PIGL: variants seen among roughly 807,000 people sequenced by gnomAD.
PIGL encodes the protein phosphatidylinositol glycan anchor biosynthesis class L, also known as N-acetylglucosaminyl-phosphatidylinositol de-N-acetylase.
In PIGL, 22 loss-of-function variants were observed where a neutral mutation model predicts 31.1. That is an observed-to-expected ratio of 0.71 (90% CI 0.51 to 1.01). The LOEUF is 1.01. PIGL is among the 50% of genes least tolerant of loss of function. The probability of loss-of-function intolerance (pLI) is 0.00; values close to 1 mark genes in which losing one functional copy is unlikely to be tolerated. For missense variants in PIGL, 302 were observed against 315.9 expected, an observed-to-expected ratio of 0.96 and a Z score of 0.33; for synonymous variants, 131 against 117.4, an observed-to-expected ratio of 1.12 and a Z score of -0.75.
At chr17:16,217,614 AGGAG>A in intron 1 of PIGL, 153 bp downstream of exon 1, 1 of 599,098 alleles carries the variant, frequency 1.7e-6, no homozygotes, top group Non-Finnish European at 2.8e-6. Context: ...GCCTAGGGAC[AGGAG>A]CGGCCGGCTT....
intron 3 of PIGL, among the ~76,000 whole-genome samples, chr17:16,303,571 C>G (rs149969416): frequency 6.6e-6 from 1 of 151,872 alleles, no homozygotes; most frequent in Non-Finnish European, 1.5e-5. Flanking sequence ...TGAAGTCTCG[C>G]TCTGTTGCCT....
At chr17:16,270,890 CAAA>C (rs11350245) in intron 2 of PIGL, among the ~76,000 whole-genome samples, 4 of 143,026 alleles carry the variant, frequency 2.8e-5, no homozygotes, top group East Asian at 2.2e-4. Flanking sequence ...GAGACTGTCT[CAAA>C]AAAAAAAAAA....
chr17:16,245,829 T>TTTTTA (rs2092744037), intron 2 of PIGL, among the ~76,000 whole-genome samples: 2 of 150,242 alleles, frequency 1.3e-5, no homozygotes, highest in African/African-American at 4.9e-5. Context: ...TATTTTTTTT[T>TTTTTA]GAGACGGAGT....
At chr17:16,290,313 C>A (rs1386812737) in intron 2 of PIGL, among the ~76,000 whole-genome samples, 1 of 151,880 alleles carries the variant, frequency 6.6e-6, no homozygotes, top group Non-Finnish European at 1.5e-5. Context: ...GAGCTCTTGA[C>A]CTCAAGTGAT....
intron 2 of PIGL, among the ~76,000 whole-genome samples, chr17:16,288,851 A>G (rs2092948930): frequency 6.6e-6 from 1 of 152,202 alleles, no homozygotes; most frequent in Non-Finnish European, 1.5e-5. Context: ...AAATTCTTTA[A>G]TAGGTCTCTT....
chr17:16,221,699 A>C lies in PIGL; in HGVS notation c.235+4238A>C, dbSNP rs189085240. Among the ~76,000 whole-genome samples the C allele has an allele frequency of 7.9e-5, 12 of 152,196 alleles. No homozygotes were observed. The East Asian group carries it at 2.3e-3, about 29-fold the overall frequency. Reference sequence around the variant, plus strand: ...CAGTGGCACAATCTCGGCTCACTGCAACCTCCGCCTCCTGGGTTCAAGTGA... The same window carrying C: ...CAGTGGCACAATCTCGGCTCACTGCCACCTCCGCCTCCTGGGTTCAAGTGA... On this transcript the variant is annotated intron_variant, in intron 1 of 6. Transcript: ENST00000225609.
At chr17:16,243,900 A>G (rs2092733622) in intron 2 of PIGL, among the ~76,000 whole-genome samples, 1 of 152,260 alleles carries the variant, frequency 6.6e-6, no homozygotes, top group Non-Finnish European at 1.5e-5. Flanking sequence ...CTGTTACTCA[A>G]ATCTGTCTCC....
At chr17:16,219,455 G>A (rs1340248268) in intron 1 of PIGL, among the ~76,000 whole-genome samples, 1 of 152,112 alleles carries the variant, frequency 6.6e-6, no homozygotes, top group African/African-American at 2.4e-5. Context: ...ATTAAGAATT[G>A]GAGCCCAAGC....
intron 3 of PIGL, among the ~76,000 whole-genome samples, chr17:16,306,851 C>T (rs891747894): frequency 2.6e-5 from 4 of 152,174 alleles, no homozygotes; most frequent in South Asian, 2.1e-4. Flanking sequence ...ATATCAACAC[C>T]GAAGGGGTGA....
At chr17:16,258,085 GAGAGAGAGAGAGAGAGAA>G (rs1424177555) in intron 2 of PIGL, among the ~76,000 whole-genome samples, 4 of 131,088 alleles carry the variant, frequency 3.1e-5, no homozygotes, top group Non-Finnish European at 4.8e-5. Context: ...GAGAGAGAGA[GAGAGAGAGAGAGAGAGAA>G]AGAGAGAGAG....
chr17:16,297,226 C>G (rs1452319195), intron 2 of PIGL, among the ~76,000 whole-genome samples: 5 of 152,194 alleles, frequency 3.3e-5, no homozygotes, highest in African/African-American at 1.2e-4. Flanking sequence ...AAGTCCCTCC[C>G]TAAATGATTG....
chr17:16,221,217 A>G (rs1449182992), intron 1 of PIGL, among the ~76,000 whole-genome samples: 1 of 152,212 alleles, frequency 6.6e-6, no homozygotes, highest in Non-Finnish European at 1.5e-5. Context: ...AATAAGGATG[A>G]ATTTATTAAA....
At chr17:16,275,640 C>G (rs1274564419) in intron 2 of PIGL, among the ~76,000 whole-genome samples, 1 of 152,192 alleles carries the variant, frequency 6.6e-6, no homozygotes, top group Non-Finnish European at 1.5e-5. Flanking sequence ...GATCCATCTT[C>G]TGTGACTTCT....
At chr17:16,276,454 C>T (rs147504193) in intron 2 of PIGL, among the ~76,000 whole-genome samples, 6 of 152,210 alleles carry the variant, frequency 3.9e-5, no homozygotes, top group African/African-American at 9.6e-5. Flanking sequence ...AGACTCTGGC[C>T]GGGTGTGGTG....
rs114176862 is a variant in PIGL at position 16,317,843 on chromosome 17, T to C, written c.595T>C (p.Leu199=). 7.6e-5 allele frequency: 122 copies of C among 1,614,152 alleles called. No homozygotes were observed. In the East Asian group the frequency reaches 2.3e-3, roughly 31 times the overall value. The change falls in exon 6 of 7, where the codon TTG becomes CTG. Residue 199 remains leucine, a synonymous_variant. Transcript: ENST00000225609. ...GTACATCTCCCTTCTGGATCTGCCC[T>C]TGTCTCTGCTTCATACGCAGGATGT... The part of the protein sequence containing the change: ...RKYISLLDLP[L]SLLHTQDVLF...
chr17:16,271,426 C>T (rs575776307), intron 2 of PIGL, among the ~76,000 whole-genome samples: 4 of 152,240 alleles, frequency 2.6e-5, no homozygotes, highest in African/African-American at 9.6e-5. Flanking sequence ...CAAATAGGTA[C>T]GTACCCTAAA....
intron 3 of PIGL, among the ~76,000 whole-genome samples, chr17:16,302,783 A>T (rs59648535): frequency 0.037 from 2,472 of 67,704 alleles, 66 homozygotes; most frequent in African/African-American, 0.13. Context: ...TATTTCTGGT[A>T]GAGATGGGGT....
intron 2 of PIGL, among the ~76,000 whole-genome samples, chr17:16,251,628 G>A (rs1423871737): frequency 6.7e-6 from 1 of 150,288 alleles, no homozygotes; most frequent in Non-Finnish European, 1.5e-5. Context: ...TCAGTTGTAA[G>A]ACCACTATAT....
intron 2 of PIGL, among the ~76,000 whole-genome samples, chr17:16,296,330 G>T (rs1568830050): frequency 6.6e-6 from 1 of 151,990 alleles, no homozygotes; most frequent in Non-Finnish European, 1.5e-5. Flanking sequence ...AAGGACTGGG[G>T]GCCAGGTGCA....
Sources: gnomAD v4.1 joint callset for allele counts (sites outside exome capture counted in the v4.1 genomes callset) on GRCh38, gnomAD v4.1.1 for gene constraint, MANE v1.5 for transcripts, NCBI Gene and HGNC (gene_info 2026-07-23, HGNC 2026-07-21) for gene names.